Variants in ZNF577 observed in about 807,000 individuals in gnomAD.
ZNF577 encodes the protein zinc finger protein 577.
In ZNF577, 14 loss-of-function variants were observed where a neutral mutation model predicts 13.9. The observed-to-expected ratio is 1.00, with a 90% CI of 0.66 to 1.57. The LOEUF is 1.57. Ranked by LOEUF, ZNF577 falls within the 40% of genes most tolerant of loss-of-function variation. The probability of loss-of-function intolerance (pLI) is 0.00; values close to 1 mark genes in which losing one functional copy is unlikely to be tolerated. For missense variants in ZNF577, 555 were observed against 579.2 expected (o/e 0.96, Z 0.43); for synonymous variants, 203 against 202.9 (o/e 1.00, Z 0.00).
intron 9 of ZNF577, among the ~76,000 whole-genome samples, chr19:51,812,414 C>T (rs542883754): frequency 6.6e-6 from 1 of 152,290 alleles, no homozygotes; most frequent in East Asian, 1.9e-4. Context: ...AGCACTAAGG[C>T]TGTAGTCCCA....
At chr19:51,838,593 A>G (rs1356542258) in intron 9 of ZNF577, among the ~76,000 whole-genome samples, 1 of 147,730 alleles carries the variant, frequency 6.8e-6, no homozygotes, top group Non-Finnish European at 1.5e-5. Flanking sequence ...ATTTATATAT[A>G]AGTATAAACA....
At chr19:51,810,954 T>C (rs1161969860) in intron 10 of ZNF577, among the ~76,000 whole-genome samples, 1 of 152,160 alleles carries the variant, frequency 6.6e-6, no homozygotes, top group African/African-American at 2.4e-5. Context: ...GGTCTCTAGT[T>C]CTGCTACCAA....
chr19:51,873,461 G>A lies in ZNF577; in HGVS notation c.529C>T (p.Gln177Ter), dbSNP rs2084700218. The change falls in exon 6 of 6, where the codon CAG becomes TAG. Residue 177 changes from glutamine (Q) to a stop codon, truncating the protein, a stop_gained. Transcript: ENST00000638348. LOFTEE classifies it low-confidence loss of function (END_TRUNC). ...FSRKAQLIQH[Q>*]RTERGEKPHG... ...GGTTTCTCTCCTCTTTCAGTTCTCT[G>A]ATGTTGAATAAGCTGTGCTTTCCTG... The A allele has an allele frequency of 1.2e-6, 2 of 1,614,152 alleles. No individual in the cohort carries two copies. The highest frequency in any genetic ancestry group is 1.7e-6 in the Non-Finnish European group (2 of 1,180,016).
At chr19:51,884,812 C>G (rs2084917779) in intron 1 of ZNF577, among the ~76,000 whole-genome samples, 1 of 152,150 alleles carries the variant, frequency 6.6e-6, no homozygotes, top group Non-Finnish European at 1.5e-5. Context: ...GAAAATATTT[C>G]CACTGTGATT....
chr19:51,880,655 C>A, intron 2 of ZNF577, 24 bp downstream of exon 2: 1 of 476,980 alleles, frequency 2.1e-6, no homozygotes, highest in Non-Finnish European at 3.8e-6. Context: ...AAACAAACGA[C>A]AAAATAGGTA....
intron 1 of ZNF577, among the ~76,000 whole-genome samples, chr19:51,884,487 GA>G (rs1272906495): frequency 6.6e-6 from 1 of 151,818 alleles, no homozygotes; most frequent in African/African-American, 2.4e-5. Context: ...CAATTTCCAT[GA>G]AAAAAAGTTA....
chr19:51,873,732 A>G (rs749796494), intron 5 of ZNF577, 26 bp from the exon 6 acceptor site: 36 of 1,534,728 alleles, frequency 2.3e-5, no homozygotes, highest in Non-Finnish European at 3.0e-5. Context: ...AACTTTTACA[A>G]TGCGAGCCAA....
At chr19:51,839,632 C>T (rs1031319421) in intron 9 of ZNF577, 8 of 152,174 alleles carry the variant, frequency 5.3e-5, no homozygotes, top group African/African-American at 1.9e-4. Flanking sequence ...GAAGTACCTC[C>T]TTCCCCAGCC....
intron 5 of ZNF577, among the ~76,000 whole-genome samples, chr19:51,850,428 C>T (rs1187153920): frequency 6.6e-6 from 1 of 152,150 alleles, no homozygotes; most frequent in East Asian, 1.9e-4. Flanking sequence ...TGCATATTGT[C>T]GCAAATTGTT....
chr19:51,864,240 T>A (rs144412284), downstream of ZNF577, among the ~76,000 whole-genome samples: 548 of 152,246 alleles, frequency 3.6e-3, 20 homozygotes, highest in Admixed American at 0.032. Context: ...CCAACTAAGA[T>A]TTACCTTTTT....
chr19:51,809,539 A>G (rs2084083342), intron 10 of ZNF577, among the ~76,000 whole-genome samples: 1 of 152,202 alleles, frequency 6.6e-6, no homozygotes, highest in African/African-American at 2.4e-5. Context: ...TGTGATTTGC[A>G]GGGAATAAGC....
intron 8 of ZNF577, among the ~76,000 whole-genome samples, chr19:51,840,304 A>C (rs1197224506): frequency 6.6e-6 from 1 of 152,186 alleles, no homozygotes; most frequent in Non-Finnish European, 1.5e-5. Context: ...GCACCTATTT[A>C]GCCCCATAGG....
At chr19:51,861,518 C>A (rs1413716897) in intron 5 of ZNF577, 1 of 152,394 alleles carries the variant, frequency 6.6e-6, no homozygotes, top group Non-Finnish European at 1.5e-5. Flanking sequence ...TATAAGGTTT[C>A]TCTCCCACAA....
chr19:51,830,158 G>A (rs2084255042), intron 9 of ZNF577, among the ~76,000 whole-genome samples: 1 of 149,110 alleles, frequency 6.7e-6, no homozygotes, highest in Admixed American at 6.7e-5. Context: ...AAAAACAGAG[G>A]AAAGATGAAG....
At chr19:51,835,755 C>T (rs10420840) in intron 9 of ZNF577, among the ~76,000 whole-genome samples, 58,125 of 151,916 alleles carry the variant, frequency 0.38, 11,321 homozygotes, top group South Asian at 0.48. Context: ...TGCAATGGCA[C>T]GATCTCGGCT....
At chr19:51,831,998 C>T (rs1026043167) in intron 9 of ZNF577, among the ~76,000 whole-genome samples, 2 of 152,218 alleles carry the variant, frequency 1.3e-5, no homozygotes, top group African/African-American at 4.8e-5. Flanking sequence ...AACGTAGCCT[C>T]TCAGGCTCTC....
In ZNF577 at chr19:51,880,369, G is replaced by T; in HGVS notation, c.14C>A (p.Thr5Lys). The T allele has an allele frequency of 6.2e-7, 1 of 1,614,020 alleles. No individual in the cohort carries two copies. The highest frequency in any genetic ancestry group is 8.5e-7 in the Non-Finnish European group (1 of 1,180,008). ...CTCTCTCCTCACAGACATTACAATC[G>T]TGGCATTTTTCATGTGTTTCCTGTT... Reference protein sequence around the residue: MKNATIVMSVRREQG... With the variant: MKNAKIVMSVRREQG... The change falls in exon 3 of 6, where the codon ACG (threonine) becomes AAG (lysine). Residue 5 changes from threonine (T) to lysine (K), a missense_variant. Coordinates refer to ENST00000638348, the MANE Select transcript of ZNF577 (RefSeq NM_001370449.1).
chr19:51,876,931 A>T (rs1390204481), intron 5 of ZNF577, among the ~76,000 whole-genome samples: 1 of 151,802 alleles, frequency 6.6e-6, no homozygotes. Flanking sequence ...CGTCTCAAAA[A>T]AAAAAAAAAA....
intron 5 of ZNF577, among the ~76,000 whole-genome samples, chr19:51,857,557 T>C (rs972499546): frequency 4.6e-5 from 7 of 152,148 alleles, no homozygotes; most frequent in Non-Finnish European, 8.8e-5. Flanking sequence ...GGCCTCTACA[T>C]GTTTAAGAAC....
Sources: gnomAD v4.1 joint callset for allele counts (sites outside exome capture counted in the v4.1 genomes callset) on GRCh38, gnomAD v4.1.1 for gene constraint, MANE v1.5 for transcripts, NCBI Gene and HGNC (gene_info 2026-07-23, HGNC 2026-07-21) for gene names.